The following JARID2 variants were observed in gnomAD, a reference collection of about 807,000 sequenced individuals.
The protein encoded by JARID2 is protein Jumonji.
Under a neutral mutation model 125.6 loss-of-function variants are expected in JARID2, and 21 were observed. The observed-to-expected ratio is 0.17, with a 90% CI of 0.12 to 0.24. The LOEUF (loss-of-function observed/expected upper bound fraction) is 0.24, where lower values mean the gene tolerates loss of function less well. Among genes scored for constraint, JARID2 ranks in the 10% least tolerant of loss-of-function variants. The probability of loss-of-function intolerance (pLI) is 1.00; values close to 1 mark genes in which losing one functional copy is unlikely to be tolerated. For synonymous variants in JARID2, 736 were observed against 661.6 expected (o/e 1.11, Z -1.73); for missense variants, 1,303 against 1,639.6 (o/e 0.79, Z 3.55).
At chr6:15,433,410 C>CTGTGTGTGTGTGTGTG (rs57296791) in intron 3 of JARID2, among the ~76,000 whole-genome samples, 94 of 143,522 alleles carry the variant, frequency 6.5e-4, no homozygotes, top group East Asian at 8.5e-4. Context: ...CCATGTCTCT[C>CTGTGTGTGTGTGTGTG]TGTGTGTGTG....
At chr6:15,518,435 G>A (rs1561922441) in intron 17 of JARID2, among the ~76,000 whole-genome samples, 1 of 152,188 alleles carries the variant, frequency 6.6e-6, no homozygotes, top group African/African-American at 2.4e-5. Flanking sequence ...CTCTGTAGTG[G>A]CTGAGTAGTT....
At chr6:15,259,809 C>G (rs754264124) in intron 1 of JARID2, among the ~76,000 whole-genome samples, 2 of 152,094 alleles carry the variant, frequency 1.3e-5, no homozygotes, top group Non-Finnish European at 2.9e-5. Context: ...GCCCCTCATT[C>G]TAAAAAAGGA....
At chr6:15,469,339 G>C (rs1011162591) in intron 5 of JARID2, among the ~76,000 whole-genome samples, 2 of 14,230 alleles carry the variant, frequency 1.4e-4, no homozygotes, top group African/African-American at 3.9e-4. Flanking sequence ...TCTCTCTCCT[G>C]TCTCTCTCTC....
chr6:15,279,020 G>T (rs1323882239), intron 1 of JARID2, among the ~76,000 whole-genome samples: 1 of 151,964 alleles, frequency 6.6e-6, no homozygotes, highest in African/African-American at 2.4e-5. Context: ...GAACCTGGGA[G>T]GTGGAGGTTG....
chr6:15,487,561 G>A lies in JARID2; in HGVS notation c.906+19G>A. 1 of 1,559,766 alleles carries A rather than the reference G, an allele frequency of 6.4e-7. No homozygotes were observed. The highest frequency in any genetic ancestry group is 8.7e-7 in the Non-Finnish European group (1 of 1,146,586). ...GAAACAGGTAAAGTCCAGCAGGGGT[G>A]CCTACATGTGTGCCAGACCCCAGTT... On this transcript the variant is annotated intron_variant, in intron 6 of 17. Coordinates refer to ENST00000341776, the MANE Select transcript of JARID2 (RefSeq NM_004973.4).
At chr6:15,260,629 A>G (rs1759837221) in intron 1 of JARID2, among the ~76,000 whole-genome samples, 1 of 152,194 alleles carries the variant, frequency 6.6e-6, no homozygotes, top group Non-Finnish European at 1.5e-5. Flanking sequence ...AGAACTTGCA[A>G]AGCTTCATGT....
At chr6:15,248,440 A>AGCGGGGGCGGGAGCGGGG (rs1554114700) in intron 1 of JARID2, 1 of 8,542 alleles carries the variant, frequency 1.2e-4, no homozygotes, top group East Asian at 2.2e-3. Context: ...AGGGGGTGGG[A>AGCGGGGGCGGGAGCGGGG]GCGGGGGCGG....
chr6:15,498,812 C>A (rs55703661), intron 7 of JARID2, among the ~76,000 whole-genome samples: 2 of 152,218 alleles, frequency 1.3e-5, no homozygotes, highest in African/African-American at 4.8e-5. Context: ...TCTGCACACG[C>A]GTGCACCCAC....
At chr6:15,254,701 C>A (rs1369060355) in intron 1 of JARID2, among the ~76,000 whole-genome samples, 1 of 152,258 alleles carries the variant, frequency 6.6e-6, no homozygotes, top group East Asian at 1.9e-4. Flanking sequence ...GAAATATTAT[C>A]AACAGCAGTG....
intron 1 of JARID2, among the ~76,000 whole-genome samples, chr6:15,250,836 C>T (rs944318401): frequency 1.3e-5 from 2 of 151,992 alleles, no homozygotes; most frequent in African/African-American, 4.8e-5. Flanking sequence ...TAATATATAC[C>T]GTACTCCAAA....
chr6:15,338,535 C>G (rs755834421), intron 1 of JARID2, among the ~76,000 whole-genome samples: 8 of 152,206 alleles, frequency 5.3e-5, no homozygotes, highest in Non-Finnish European at 1.0e-4. Context: ...GTATACCTTG[C>G]AAGGCAATCC....
rs1383677275 is a variant in JARID2 at position 15,501,254 on chromosome 6, G to A, written c.2293G>A (p.Ala765Thr). 3.7e-6 allele frequency: 6 copies of A among 1,613,508 alleles called. No individual in the cohort carries two copies. In the African/African-American group the frequency reaches 8.0e-5, roughly 22 times the overall value. ...CAAGAATGGGCTCATCCACGGCGTG[G>A]CCCCCAGGAACGGCTTCCGCAGCAA... is the stretch of plus-strand genomic sequence containing the variant. ...EPKNGLIHGV[A>T]PRNGFRSKLK... The change falls in exon 8 of 18, where the codon GCC (alanine) becomes ACC (threonine). Residue 765 changes from alanine to threonine, a missense_variant. By Grantham distance (58) the Ala-to-Thr change is moderately conservative. Transcript: ENST00000341776.
chr6:15,457,012 G>A (rs977733390), intron 4 of JARID2, among the ~76,000 whole-genome samples: 2 of 150,968 alleles, frequency 1.3e-5, no homozygotes, highest in Non-Finnish European at 1.5e-5. Context: ...AGAGACGACC[G>A]CTGTTAATTA....
chr6:15,420,975 G>A lies in JARID2; in HGVS notation c.323+10610G>A, dbSNP rs187214904. ...TCTTGGGTAGCTTCCTAACACAAAT[G>A]TGCTTGTTAGTACTCAGCGGAAGAC... is the stretch of plus-strand genomic sequence containing the variant. On this transcript the variant is annotated intron_variant, in intron 3 of 17. Coordinates refer to ENST00000341776, the MANE Select transcript of JARID2 (RefSeq NM_004973.4). 2.6e-5 allele frequency among the ~76,000 whole-genome samples: 4 copies of A among 152,194 alleles called. No individual in the cohort carries two copies. The East Asian group carries it at 5.8e-4, about 22-fold the overall frequency.
chr6:15,496,015 G>C (rs181365311), intron 6 of JARID2, 117 bp from the exon 7 acceptor site: 37 of 791,246 alleles, frequency 4.7e-5, no homozygotes, highest in Admixed American at 4.4e-4. Flanking sequence ...CACACTACAG[G>C]CTGCTGGCTC....
At chr6:15,389,278 G>T (rs1221559440) in intron 2 of JARID2, among the ~76,000 whole-genome samples, 1 of 152,220 alleles carries the variant, frequency 6.6e-6, no homozygotes, top group East Asian at 1.9e-4. Context: ...TCCCACCTCA[G>T]CCGCCTGAGT....
At chr6:15,386,220 G>A (rs974282680) in intron 2 of JARID2, among the ~76,000 whole-genome samples, 1 of 151,934 alleles carries the variant, frequency 6.6e-6, no homozygotes, top group African/African-American at 2.4e-5. Context: ...ACTCCAGATA[G>A]CTATCTCTCC....
At chr6:15,362,651 T>C (rs1481082562) in intron 1 of JARID2, among the ~76,000 whole-genome samples, 1 of 152,180 alleles carries the variant, frequency 6.6e-6, no homozygotes, top group Non-Finnish European at 1.5e-5. Context: ...ATTTGGAGTT[T>C]TCTTCTGAGA....
intron 16 of JARID2, 56 bp from the exon 17 acceptor site, chr6:15,517,104 TC>T: frequency 7.4e-7 from 1 of 1,351,372 alleles, no homozygotes; most frequent in African/African-American, 1.4e-5. Flanking sequence ...TACCTTACCC[TC>T]CCAGGGCGCT....
Sources: allele counts gnomAD v4.1 joint callset (sites outside exome capture counted in the v4.1 genomes callset), GRCh38; gene constraint gnomAD v4.1.1; transcripts MANE v1.5; gene names NCBI Gene and HGNC (gene_info 2026-07-23, HGNC 2026-07-21).